The following TRABD2B variants were observed in gnomAD, a reference collection of about 807,000 sequenced individuals.
The protein encoded by TRABD2B is metalloprotease TIKI2.
A neutral mutation model predicts 40.1 loss-of-function variants in TRABD2B; 14 were observed. The ratio of observed to expected loss-of-function variants is 0.35; its 90% CI spans 0.23 to 0.55. The LOEUF (loss-of-function observed/expected upper bound fraction) is 0.55, where lower values mean the gene tolerates loss of function less well. Among genes scored for constraint, TRABD2B ranks in the 20% least tolerant of loss-of-function variants. TRABD2B has a pLI of 0.90. For synonymous variants in TRABD2B, 263 were observed against 277.0 expected (o/e 0.95, Z 0.50); for missense variants, 541 against 648.6 (o/e 0.83, Z 1.80).
At chr1:47,796,783 C>T (rs1449386813) in intron 3 of TRABD2B, among the ~76,000 whole-genome samples, 1 of 152,194 alleles carries the variant, frequency 6.6e-6, no homozygotes, top group Non-Finnish European at 1.5e-5. Context: ...TTCTTACTTC[C>T]CTACATACCC....
intron 2 of TRABD2B, among the ~76,000 whole-genome samples, chr1:47,805,684 T>G (rs1252589757): frequency 6.6e-6 from 1 of 152,134 alleles, no homozygotes; most frequent in Non-Finnish European, 1.5e-5. Flanking sequence ...TATAAAGAAG[T>G]CTTCATCCAT....
At chr1:47,906,777 G>C (rs767881171) in intron 2 of TRABD2B, among the ~76,000 whole-genome samples, 6 of 152,248 alleles carry the variant, frequency 3.9e-5, no homozygotes, top group Non-Finnish European at 7.3e-5. Flanking sequence ...GACAGGTCTA[G>C]GAACCTTAAA....
chr1:47,804,649 G>C (rs983654714), intron 2 of TRABD2B, among the ~76,000 whole-genome samples: 3 of 152,174 alleles, frequency 2.0e-5, no homozygotes, highest in African/African-American at 7.2e-5. Context: ...GTGTTCCAGT[G>C]AATTTAGTAT....
intron 2 of TRABD2B, among the ~76,000 whole-genome samples, chr1:47,803,238 C>T (rs948242448): frequency 2.0e-5 from 3 of 152,230 alleles, no homozygotes; most frequent in South Asian, 2.1e-4. Flanking sequence ...GGCCCTAAAC[C>T]TTAGCCCCTC....
At chr1:47,820,613 T>C (rs1266108546) in intron 2 of TRABD2B, among the ~76,000 whole-genome samples, 1 of 152,154 alleles carries the variant, frequency 6.6e-6, no homozygotes, top group Non-Finnish European at 1.5e-5. Context: ...CCCACCCTGC[T>C]TTTTTCCCCA....
At position 47,813,686 on chromosome 1, in the gene TRABD2B, A is replaced by G. The variant is rs942509479; in HGVS notation, c.667-12067T>C. Among the ~76,000 whole-genome samples the G allele has an allele frequency of 3.3e-5, 5 of 152,166 alleles. No homozygotes were observed. The highest frequency in any genetic ancestry group is 4.1e-4 in the South Asian group (2 of 4,828). ...TAAAGCAATATTGCCCTTCCTTAGG[A>G]CACATACCCACACCCACACACACAC... On this transcript the variant is annotated intron_variant, in intron 2 of 6. Coordinates refer to ENST00000606738, the MANE Select transcript of TRABD2B (RefSeq NM_001194986.2). The surrounding 1 kb of genome is among the most constrained non-coding windows in gnomAD (Gnocchi z 4.3).
At chr1:47,854,482 G>A (rs1643871498) in intron 2 of TRABD2B, among the ~76,000 whole-genome samples, 2 of 152,178 alleles carry the variant, frequency 1.3e-5, no homozygotes, top group South Asian at 4.1e-4. Context: ...GAGCACAAAT[G>A]TTTTATCCAA....
intron 2 of TRABD2B, among the ~76,000 whole-genome samples, chr1:47,856,270 A>T (rs574856080): frequency 6.6e-6 from 1 of 152,256 alleles, no homozygotes; most frequent in East Asian, 1.9e-4. Context: ...CTACTTTGGG[A>T]TCTCTCTGCC....
At chr1:47,963,729 T>C (rs1171490079) in intron 2 of TRABD2B, among the ~76,000 whole-genome samples, 2 of 152,246 alleles carry the variant, frequency 1.3e-5, no homozygotes, top group Non-Finnish European at 2.9e-5. Context: ...TGTACCCATC[T>C]GGCAGCAAGA....
chr1:47,904,568 G>A (rs554635419), intron 2 of TRABD2B, among the ~76,000 whole-genome samples: 2 of 152,170 alleles, frequency 1.3e-5, no homozygotes, highest in East Asian at 2.0e-4. Flanking sequence ...GGGTGCTTGC[G>A]AAAAGCCCCA....
At chr1:47,965,918 C>G (rs967520217) in intron 2 of TRABD2B, among the ~76,000 whole-genome samples, 44 of 152,204 alleles carry the variant, frequency 2.9e-4, no homozygotes, top group African/African-American at 1.0e-3. Context: ...TCTATCCCGT[C>G]AAGAAGAATA....
In TRABD2B at chr1:47,764,927, T is replaced by A. The variant is rs946424938; in HGVS notation, c.*975A>T. 1 of 152,218 alleles carries A rather than the reference T, an allele frequency of 6.6e-6. No individual in the cohort carries two copies. The highest frequency in any genetic ancestry group is 1.5e-5 in the Non-Finnish European group (1 of 68,056). 9.4% of individuals were successfully genotyped at this position (152,218 alleles called of 1,614,324 possible). A position where few individuals can be genotyped will look rare whatever the true frequency, so the allele number is the denominator to read the frequency against. ...GAATCAGTGAAGCAAGTGTGCAAAG[T>A]GCTTGCCACGCTGCAGGCTTTGGAA... On this transcript the variant is annotated 3_prime_UTR_variant, in exon 7 of 7. Coordinates refer to ENST00000606738, the MANE Select transcript of TRABD2B (RefSeq NM_001194986.2).
chr1:47,985,862 G>C (rs1361762274), intron 2 of TRABD2B, among the ~76,000 whole-genome samples: 1 of 152,106 alleles, frequency 6.6e-6, no homozygotes, highest in African/African-American at 2.4e-5. Context: ...TGGTCCTCAG[G>C]GGCCTTTACC....
At chr1:47,937,077 AT>A in intron 2 of TRABD2B, among the ~76,000 whole-genome samples, 1 of 151,724 alleles carries the variant, frequency 6.6e-6, no homozygotes, top group African/African-American at 2.4e-5. Flanking sequence ...TATCACCATC[AT>A]CATCACCACT....
At chr1:47,941,252 C>T (rs1645183703) in intron 2 of TRABD2B, among the ~76,000 whole-genome samples, 1 of 152,164 alleles carries the variant, frequency 6.6e-6, no homozygotes, top group Non-Finnish European at 1.5e-5. Context: ...AGTCCCCAAG[C>T]TTCCGCTAGC....
chr1:47,860,921 G>A (rs555343969), intron 2 of TRABD2B, among the ~76,000 whole-genome samples: 2 of 152,250 alleles, frequency 1.3e-5, no homozygotes, highest in South Asian at 2.1e-4. Flanking sequence ...CTGCAAAATC[G>A]TAAGCCAAAT....
chr1:47,831,890 A>G (rs1645254718), intron 2 of TRABD2B, among the ~76,000 whole-genome samples: 1 of 152,136 alleles, frequency 6.6e-6, no homozygotes, highest in Non-Finnish European at 1.5e-5. Flanking sequence ...GACTCATTCA[A>G]TGAGATGAGT....
At chr1:47,778,304 C>T in intron 5 of TRABD2B, 150 bp downstream of exon 5, 1 of 643,726 alleles carries the variant, frequency 1.6e-6, no homozygotes, top group Non-Finnish European at 2.7e-6. Context: ...AGCTCCTTCC[C>T]AATCTCCTGC....
intron 6 of TRABD2B, among the ~76,000 whole-genome samples, chr1:47,766,970 C>T (rs907225187): frequency 9.9e-5 from 15 of 152,148 alleles, no homozygotes; most frequent in Admixed American, 2.6e-4. Flanking sequence ...GCCCAGCACA[C>T]GGTGGCCTTG....
Sources: gnomAD v4.1 joint callset for allele counts (sites outside exome capture counted in the v4.1 genomes callset) on GRCh38, gnomAD v4.1.1 for gene constraint, Gnocchi (gnomAD v3.1) non-coding constraint, MANE v1.5 for transcripts, NCBI Gene and HGNC (gene_info 2026-07-23, HGNC 2026-07-21) for gene names.